Variants in SLC24A3 observed in about 807,000 individuals in gnomAD.
The protein encoded by SLC24A3 is solute carrier family 24 member 3.
A neutral mutation model predicts 75.8 loss-of-function variants in SLC24A3; 28 were observed. The ratio of observed to expected loss-of-function variants is 0.37; its 90% CI spans 0.27 to 0.51. The LOEUF (loss-of-function observed/expected upper bound fraction) is 0.51, where lower values mean the gene tolerates loss of function less well. Among genes scored for constraint, SLC24A3 ranks in the 20% least tolerant of loss-of-function variants. SLC24A3 has a pLI of 0.94. For missense variants in SLC24A3, 663 were observed against 847.8 expected (o/e 0.78, Z 2.71); for synonymous variants, 372 against 334.1 (o/e 1.11, Z -1.24).
rs933854058 is a variant in SLC24A3 at position 19,276,625 on chromosome 20, C to T, written c.143-4334C>T. On this transcript the variant is annotated intron_variant, in intron 1 of 16. Transcript: ENST00000328041. The stretch of plus-strand genomic sequence containing the variant: ...AATATGGTGTTAAAATCTTATGGGG[C>T]TGACTGTGGTGGCTCGTGCGTATAA... Among the ~76,000 whole-genome samples, 5 of 152,120 alleles carry T rather than the reference C, an allele frequency of 3.3e-5. No homozygotes were observed. In the South Asian group the frequency reaches 6.2e-4, roughly 19 times the overall value.
At chr20:19,222,232 A>T (rs1334146887) in intron 1 of SLC24A3, among the ~76,000 whole-genome samples, 1 of 151,970 alleles carries the variant, frequency 6.6e-6, no homozygotes, top group African/African-American at 2.4e-5. Flanking sequence ...TCGTAGTAGT[A>T]TTGAGGTTTT....
At chr20:19,346,379 A>G (rs1419233544) in intron 2 of SLC24A3, among the ~76,000 whole-genome samples, 1 of 139,654 alleles carries the variant, frequency 7.2e-6, no homozygotes, top group Non-Finnish European at 1.5e-5. Context: ...TGGTGTATAT[A>G]TATGGTATAT....
chr20:19,466,130 T>C (rs980862626), intron 2 of SLC24A3, among the ~76,000 whole-genome samples: 1 of 152,240 alleles, frequency 6.6e-6, no homozygotes, highest in Non-Finnish European at 1.5e-5. Context: ...GTATTTTCAC[T>C]ATGTAGAGAA....
intron 3 of SLC24A3, among the ~76,000 whole-genome samples, chr20:19,573,653 G>C (rs763231895): frequency 6.6e-6 from 1 of 152,222 alleles, no homozygotes; most frequent in Admixed American, 6.5e-5. Flanking sequence ...GCATGTTGGT[G>C]TGTATCCTCA....
chr20:19,699,149 T>C (rs1006994562), intron 15 of SLC24A3, among the ~76,000 whole-genome samples: 1 of 152,262 alleles, frequency 6.6e-6, no homozygotes, highest in African/African-American at 2.4e-5. Flanking sequence ...TCATGGACTA[T>C]GCAGAAACAA....
chr20:19,436,304 A>G (rs1987201425), intron 2 of SLC24A3, among the ~76,000 whole-genome samples: 1 of 152,208 alleles, frequency 6.6e-6, no homozygotes, highest in East Asian at 1.9e-4. Context: ...GCCATGTAAA[A>G]GGACCCAAGT....
Position 19,684,156 on chromosome 20 carries a change from T to TTTACCTATTTTACC in SLC24A3, c.902-20_902-19insTTACCTATTTTACC. On this transcript the variant is annotated intron_variant, in intron 10 of 16. Coordinates refer to ENST00000328041, the MANE Select transcript of SLC24A3 (RefSeq NM_020689.4). ...TCCTGGCCTCCATGTTATTTTACCT[T>TTTACCTATTTTACC]ATGTTTTTCGTTTCCCTAGCAAATT... 1 of 1,609,962 alleles carries TTTACCTATTTTACC rather than the reference T, an allele frequency of 6.2e-7. No individual in the cohort carries two copies. Among genetic ancestry groups the TTTACCTATTTTACC allele is most frequent in the Non-Finnish European group, 8.5e-7 (1 of 1,176,788 alleles).
chr20:19,543,143 C>A (rs1186589348), intron 3 of SLC24A3, among the ~76,000 whole-genome samples: 1 of 152,258 alleles, frequency 6.6e-6, no homozygotes, highest in South Asian at 2.1e-4. Context: ...CCCCATTATA[C>A]AGGAGAGTAA....
At chr20:19,360,828 AT>A (rs5840838) in intron 2 of SLC24A3, among the ~76,000 whole-genome samples, 75,876 of 144,792 alleles carry the variant, frequency 0.52, 20,514 homozygotes, top group African/African-American at 0.72. Context: ...GCATGCAGAA[AT>A]TTTTTTTTTT....
chr20:19,467,329 CG>C (rs1424138872), intron 2 of SLC24A3, among the ~76,000 whole-genome samples: 2 of 152,180 alleles, frequency 1.3e-5, no homozygotes, highest in Admixed American at 1.3e-4. Context: ...AAACTCCAAA[CG>C]GGTGGCTTAA....
chr20:19,538,794 T>C (rs547600560), intron 3 of SLC24A3, among the ~76,000 whole-genome samples: 5 of 152,280 alleles, frequency 3.3e-5, no homozygotes, highest in African/African-American at 4.8e-5. Flanking sequence ...CATATATACA[T>C]GCAATGAAGG....
chr20:19,436,806 A>G (rs987136442), intron 2 of SLC24A3, among the ~76,000 whole-genome samples: 2 of 152,126 alleles, frequency 1.3e-5, no homozygotes, highest in Non-Finnish European at 2.9e-5. Context: ...CCTTCCCTGG[A>G]CCAATCACAA....
At chr20:19,365,523 T>C (rs1029560011) in intron 2 of SLC24A3, among the ~76,000 whole-genome samples, 6 of 152,190 alleles carry the variant, frequency 3.9e-5, no homozygotes, top group African/African-American at 1.4e-4. Flanking sequence ...TAGGAACATG[T>C]GAGGCAGTGA....
intron 7 of SLC24A3, among the ~76,000 whole-genome samples, chr20:19,657,397 GT>G (rs2032278292): frequency 6.6e-6 from 1 of 152,132 alleles, no homozygotes; most frequent in Admixed American, 6.5e-5. Flanking sequence ...TCACCCACAG[GT>G]GATTCTGATG....
At chr20:19,692,285 G>A (rs529737493) in intron 12 of SLC24A3, among the ~76,000 whole-genome samples, 4 of 152,202 alleles carry the variant, frequency 2.6e-5, no homozygotes, top group South Asian at 2.1e-4. Flanking sequence ...CTGGGTCTTC[G>A]TCCAAGAGAG....
intron 2 of SLC24A3, among the ~76,000 whole-genome samples, chr20:19,496,062 C>G (rs1310606496): frequency 2.0e-5 from 3 of 152,356 alleles, no homozygotes; most frequent in East Asian, 3.9e-4. Flanking sequence ...CCTGCCGCCT[C>G]TCAGTGCAGA....
At chr20:19,214,972 C>G (rs573079522) in intron 1 of SLC24A3, among the ~76,000 whole-genome samples, 198 of 152,290 alleles carry the variant, frequency 1.3e-3, no homozygotes, top group Non-Finnish European at 2.1e-3. Flanking sequence ...AGGATGCCAG[C>G]CAGCCTCCCT....
intron 2 of SLC24A3, among the ~76,000 whole-genome samples, chr20:19,328,946 C>T (rs1285608543): frequency 1.3e-5 from 2 of 152,114 alleles, no homozygotes; most frequent in Admixed American, 1.3e-4. Context: ...GAGCAGCCAT[C>T]GAGGCGGGAG....
intron 13 of SLC24A3, 187 bp downstream of exon 13, chr20:19,693,612 T>G (rs6046254): frequency 0.34 from 223,868 of 652,842 alleles, 40,233 homozygotes; most frequent in African/African-American, 0.5. Context: ...CACGTCTTCA[T>G]GTTGACTGTG....
Sources: allele counts gnomAD v4.1 joint callset (sites outside exome capture counted in the v4.1 genomes callset), GRCh38; gene constraint gnomAD v4.1.1; transcripts MANE v1.5; gene names NCBI Gene and HGNC (gene_info 2026-07-23, HGNC 2026-07-21).